Variants in SMC5 observed in about 807,000 individuals in gnomAD.
SMC5 encodes the protein structural maintenance of chromosomes 5.
A neutral mutation model predicts 148.3 loss-of-function variants in SMC5; 88 were observed. The observed-to-expected ratio is 0.59, with a 90% CI of 0.50 to 0.71. The LOEUF (loss-of-function observed/expected upper bound fraction) is 0.71, where lower values mean the gene tolerates loss of function less well. Ranked by LOEUF, SMC5 falls within the 30% of genes least tolerant of loss-of-function variation. The pLI, the probability that SMC5 is intolerant of heterozygous loss-of-function variation, is 0.00. For synonymous variants in SMC5, 421 were observed against 432.8 expected, an observed-to-expected ratio of 0.97 and a Z score of 0.34; for missense variants, 1,142 against 1,298.9, an observed-to-expected ratio of 0.88 and a Z score of 1.86.
At chr9:70,326,944 G>A (rs2036096868) in intron 17 of SMC5, among the ~76,000 whole-genome samples, 2 of 152,138 alleles carry the variant, frequency 1.3e-5, no homozygotes, top group South Asian at 4.1e-4. Flanking sequence ...ATATTATAGA[G>A]TAAAGCAAAC....
rs2035318254 is a variant in SMC5 at position 70,300,111 on chromosome 9, A to G, written c.1375A>G (p.Arg459Gly). The part of the protein sequence containing the change: ...MNQKEDKLRQ[R>G]FRDTYDAVLW... Reference sequence around the variant, plus strand: ...TCAGAAGGAAGATAAGCTAAGACAGAGATTCCGTGACACGTATGATGCTGT... The same window carrying G: ...TCAGAAGGAAGATAAGCTAAGACAGGGATTCCGTGACACGTATGATGCTGT... Residue 459 changes from arginine (R) to glycine (G), a missense_variant, in exon 10 of 25, where the codon AGA (arginine) becomes GGA (glycine). By Grantham distance (125) the Arg-to-Gly change is moderately radical. Coordinates refer to ENST00000361138, the MANE Select transcript of SMC5 (RefSeq NM_015110.4). 1 of 1,604,280 alleles carries G rather than the reference A, an allele frequency of 6.2e-7. No homozygotes were observed.
intron 17 of SMC5, among the ~76,000 whole-genome samples, chr9:70,332,972 C>T (rs891957216): frequency 6.6e-6 from 1 of 152,138 alleles, no homozygotes; most frequent in African/African-American, 2.4e-5. Context: ...CAGCTCATAT[C>T]AATCTTGGTG....
chr9:70,261,482 C>T (rs1282929913), intron 1 of SMC5, among the ~76,000 whole-genome samples: 1 of 152,174 alleles, frequency 6.6e-6, no homozygotes, highest in African/African-American at 2.4e-5. Flanking sequence ...GCTAATTGAT[C>T]AGGTGCTATT....
In SMC5 at chr9:70,271,596, G is replaced by A. The variant is rs1235789598; in HGVS notation, c.380+3621G>A. ...TTAGGGGCATAAGGAGGGACAGTTA[G>A]ATAAGTAAAATGTATATATGTTAGG... is the stretch of plus-strand genomic sequence containing the variant. On this transcript the variant is annotated intron_variant, in intron 3 of 24. Coordinates refer to ENST00000361138, the MANE Select transcript of SMC5 (RefSeq NM_015110.4). 1.3e-5 allele frequency among the ~76,000 whole-genome samples: 2 copies of A among 152,132 alleles called. 1 individual carries two copies. The highest frequency in any genetic ancestry group is 1.3e-4 in the Admixed American group (2 of 15,266).
At chr9:70,278,673 T>C in intron 5 of SMC5, 48 bp downstream of exon 5, 1 of 1,546,444 alleles carries the variant, frequency 6.5e-7, no homozygotes. Context: ...TTGATTTCTG[T>C]ATCTCAGAAC....
chr9:70,276,232 C>A (rs148392308), intron 3 of SMC5, among the ~76,000 whole-genome samples: 2,792 of 152,288 alleles, frequency 0.018, 34 homozygotes, highest in Non-Finnish European at 0.027. Context: ...GGACTGTCCA[C>A]CTTGAATAGC....
intron 17 of SMC5, among the ~76,000 whole-genome samples, chr9:70,331,615 G>A (rs1327992702): frequency 6.6e-6 from 1 of 152,160 alleles, no homozygotes; most frequent in East Asian, 1.9e-4. Context: ...GGGCCATTTA[G>A]GAAGGGAGTA....
chr9:70,354,086 T>G lies in SMC5; in HGVS notation c.*1755T>G, dbSNP rs1587728622. 1.3e-5 allele frequency: 2 copies of G among 152,378 alleles called. No individual in the cohort carries two copies. The highest frequency in any genetic ancestry group is 6.5e-5 in the Admixed American group (1 of 15,304). 9.4% of individuals were successfully genotyped at this position (152,378 alleles called of 1,614,324 possible). ...ACTTTGTTTGTAAACATTTAATTTC[T>G]CTACTGGACAAAATTAATATTTGGC... On this transcript the variant is annotated 3_prime_UTR_variant, in exon 25 of 25. Transcript: ENST00000361138.
intron 17 of SMC5, among the ~76,000 whole-genome samples, chr9:70,335,299 G>A (rs1416724106): frequency 1.3e-5 from 2 of 152,130 alleles, no homozygotes; most frequent in Non-Finnish European, 2.9e-5. Flanking sequence ...ACCAGCCTGG[G>A]CAACATAGCA....
At chr9:70,318,313 G>C (rs904596651) in intron 13 of SMC5, among the ~76,000 whole-genome samples, 2 of 152,010 alleles carry the variant, frequency 1.3e-5, no homozygotes, top group African/African-American at 2.4e-5. Context: ...ACTTGAGCCT[G>C]GGGGGTTGAG....
intron 17 of SMC5, among the ~76,000 whole-genome samples, chr9:70,329,107 G>A (rs139996935): frequency 8.2e-4 from 125 of 152,308 alleles, no homozygotes; most frequent in Middle Eastern, 6.8e-3. Context: ...CTCCTAGATC[G>A]CCAGGCCTGT....
chr9:70,314,803 A>G lies in SMC5; in HGVS notation c.1640A>G (p.Asp547Gly). 1.3e-6 allele frequency: 2 copies of G among 1,576,566 alleles called. 1 individual carries two copies. Among genetic ancestry groups the G allele is most frequent in the East Asian group, 4.6e-5 (2 of 43,234 alleles). The change falls in exon 12 of 25, where the codon GAC becomes GGC. Residue 547 changes from aspartate (D) to glycine (G), a missense_variant. Asp to Gly is a moderately conservative substitution (Grantham distance 94, BLOSUM62 -1). Coordinates refer to ENST00000361138, the MANE Select transcript of SMC5 (RefSeq NM_015110.4). ...AVIAPKSSYA[D>G]KAPSRSLNEL... is the part of the protein sequence containing the mutation. ...ATTGCTCCCAAGAGTTCATATGCAG[A>G]CAAAGCACCTTCAAGATCTTTGAAT... is the stretch of plus-strand genomic sequence containing the variant.
chr9:70,287,021 CT>C (rs2034923124), intron 8 of SMC5, among the ~76,000 whole-genome samples: 1 of 151,968 alleles, frequency 6.6e-6, no homozygotes, highest in Non-Finnish European at 1.5e-5. Context: ...CTGACTGGAA[CT>C]TTTTATTATA....
intron 17 of SMC5, among the ~76,000 whole-genome samples, chr9:70,341,810 C>A (rs1433432661): frequency 2.0e-5 from 3 of 152,024 alleles, no homozygotes; most frequent in East Asian, 3.9e-4. Flanking sequence ...ACTAGTTCAA[C>A]CATTGTGGAA....
chr9:70,265,453 C>CT lies in SMC5; in HGVS notation c.327+1009dup, dbSNP rs2034265734. 3.3e-5 allele frequency among the ~76,000 whole-genome samples: 5 copies of CT among 152,112 alleles called. No individual in the cohort carries two copies. In the South Asian group the frequency reaches 1.0e-3, roughly 32 times the overall value. On this transcript the variant is annotated intron_variant, in intron 2 of 24. Coordinates refer to ENST00000361138, the MANE Select transcript of SMC5 (RefSeq NM_015110.4). ...CAGCCTGGGCAACAAGAGTGAGACT[C>CT]TGTCTCAAGAAAAATAAATAAAATA...
At chr9:70,274,858 T>A (rs975676604) in intron 3 of SMC5, among the ~76,000 whole-genome samples, 1 of 152,116 alleles carries the variant, frequency 6.6e-6, no homozygotes, top group Admixed American at 6.5e-5. Flanking sequence ...TAATAACTTC[T>A]CTGAACTTAC....
intron 11 of SMC5, among the ~76,000 whole-genome samples, chr9:70,314,455 G>C (rs1409345564): frequency 6.6e-6 from 1 of 152,022 alleles, no homozygotes. Flanking sequence ...TGCCAATAAT[G>C]TAAGCATAAC....
intron 20 of SMC5, 58 bp from the exon 21 acceptor site, chr9:70,347,555 T>C (rs1165429564): frequency 5.5e-6 from 5 of 901,512 alleles, no homozygotes; most frequent in South Asian, 1.7e-5. Context: ...TGCAAAATTG[T>C]ATATAGTTTT....
intron 22 of SMC5, among the ~76,000 whole-genome samples, chr9:70,349,843 A>C (rs538559085): frequency 6.6e-6 from 1 of 152,350 alleles, no homozygotes; most frequent in South Asian, 2.1e-4. Context: ...ACTTGAATAG[A>C]ATGGTATAGA....
Sources: allele counts gnomAD v4.1 joint callset (sites outside exome capture counted in the v4.1 genomes callset), GRCh38; gene constraint gnomAD v4.1.1; transcripts MANE v1.5; gene names NCBI Gene and HGNC (gene_info 2026-07-23, HGNC 2026-07-21).